Variants in RBFOX1 observed in about 807,000 individuals in gnomAD.
RBFOX1 encodes RNA binding fox-1 homolog 1.
RBFOX1 carries 8 observed loss-of-function variants against 57.7 expected under a neutral mutation model. The observed-to-expected ratio is 0.14, with a 90% confidence interval of 0.08 to 0.25. The LOEUF (loss-of-function observed/expected upper bound fraction) is 0.25, where lower values mean the gene tolerates loss of function less well. RBFOX1 is among the 10% of genes least tolerant of loss of function. RBFOX1 has a pLI of 1.00. For missense variants in RBFOX1, 611 were observed against 548.5 expected, an observed-to-expected ratio of 1.11 and a Z score of -1.14; for synonymous variants, 326 against 222.4, an observed-to-expected ratio of 1.47 and a Z score of -4.15.
intron 2 of RBFOX1, among the ~76,000 whole-genome samples, chr16:6,418,108 A>C (rs28655748): frequency 0.62 from 94,454 of 152,004 alleles, 29,936 homozygotes; most frequent in African/African-American, 0.76. Flanking sequence ...AATGGTAAGT[A>C]ACATTTGCTA....
chr16:7,709,390 A>G (rs2083523001), intron 15 of RBFOX1: 9 of 1,233,792 alleles, frequency 7.3e-6, no homozygotes, highest in Non-Finnish European at 9.7e-6. Context: ...TTAATGGAAT[A>G]ATTAGTCATT....
intron 4 of RBFOX1, among the ~76,000 whole-genome samples, chr16:7,437,072 C>G (rs1436308394): frequency 2.0e-5 from 3 of 152,088 alleles, no homozygotes; most frequent in East Asian, 3.9e-4. Context: ...CAGAGCGAGA[C>G]TCTGTCTCAA....
chr16:7,467,499 A>C (rs2060746077), intron 4 of RBFOX1, among the ~76,000 whole-genome samples: 2 of 152,178 alleles, frequency 1.3e-5, no homozygotes, highest in African/African-American at 4.8e-5. Flanking sequence ...AATGTTAGAG[A>C]GGGCAGTATA....
chr16:5,593,032 C>A (rs1418788213), intron 2 of RBFOX1, among the ~76,000 whole-genome samples: 1 of 151,990 alleles, frequency 6.6e-6, no homozygotes, highest in African/African-American at 2.4e-5. Flanking sequence ...GAAGTCAGCA[C>A]CAAATACAGG....
intron 3 of RBFOX1, among the ~76,000 whole-genome samples, chr16:6,799,109 T>A (rs191339066): frequency 6.6e-6 from 1 of 152,182 alleles, no homozygotes; most frequent in Non-Finnish European, 1.5e-5. Context: ...GACTAGCTGA[T>A]GCAGGTGAAT....
At chr16:7,217,847 T>C (rs1336600929) in intron 4 of RBFOX1, among the ~76,000 whole-genome samples, 1 of 152,186 alleles carries the variant, frequency 6.6e-6, no homozygotes, top group Non-Finnish European at 1.5e-5. Flanking sequence ...ACTCACTGCA[T>C]GTGTGTGGGC....
chr16:5,702,763 T>C (rs963554350), intron 3 of RBFOX1, among the ~76,000 whole-genome samples: 2 of 152,164 alleles, frequency 1.3e-5, no homozygotes, highest in Non-Finnish European at 1.5e-5. Flanking sequence ...TGCATGAACA[T>C]GCTGCTTGGG....
At chr16:5,793,348 G>A (rs1169771147) in intron 3 of RBFOX1, among the ~76,000 whole-genome samples, 1 of 152,216 alleles carries the variant, frequency 6.6e-6, no homozygotes, top group African/African-American at 2.4e-5. Context: ...TTGTCAACAT[G>A]CCATTGAAAA....
intron 3 of RBFOX1, among the ~76,000 whole-genome samples, chr16:6,754,197 A>C (rs1182880637): frequency 6.6e-6 from 1 of 152,196 alleles, no homozygotes; most frequent in Non-Finnish European, 1.5e-5. Context: ...AGGCAGCTAC[A>C]GCTAGGAAAG....
chr16:7,098,760 G>A (rs896136720), intron 4 of RBFOX1, among the ~76,000 whole-genome samples: 1 of 151,658 alleles, frequency 6.6e-6, no homozygotes, highest in Non-Finnish European at 1.5e-5. Context: ...GACCAGCCTG[G>A]GCAACATAGT....
At chr16:7,046,603 C>CT (rs59921108) in intron 3 of RBFOX1, among the ~76,000 whole-genome samples, 542 of 84,938 alleles carry the variant, frequency 6.4e-3, no homozygotes, top group Middle Eastern at 0.018. Flanking sequence ...TGTGTTTTAT[C>CT]TTTTTTTTTT....
intron 1 of RBFOX1, among the ~76,000 whole-genome samples, chr16:6,151,250 T>G (rs1284471124): frequency 6.6e-6 from 1 of 152,178 alleles, no homozygotes; most frequent in Non-Finnish European, 1.5e-5. Context: ...CACCATTTGT[T>G]TTCAGGAATT....
intron 2 of RBFOX1, among the ~76,000 whole-genome samples, chr16:6,414,399 G>C (rs2152976913): frequency 6.6e-6 from 1 of 152,274 alleles, no homozygotes; most frequent in Middle Eastern, 3.4e-3. Context: ...CTACTGTGTT[G>C]TCTACTCTGC....
chr16:7,304,431 C>A, intron 4 of RBFOX1: 1 of 985,366 alleles, frequency 1.0e-6, no homozygotes. Flanking sequence ...CGCTCCCCAA[C>A]GTGGGCATGT....
chr16:5,865,401 G>T (rs972879384), intron 3 of RBFOX1, among the ~76,000 whole-genome samples: 1 of 152,178 alleles, frequency 6.6e-6, no homozygotes, highest in African/African-American at 2.4e-5. Flanking sequence ...CACACCATGA[G>T]TTTCCCCATG....
At chr16:7,416,348 C>A (rs546739365) in intron 4 of RBFOX1, among the ~76,000 whole-genome samples, 2 of 152,350 alleles carry the variant, frequency 1.3e-5, no homozygotes, top group South Asian at 2.1e-4. Flanking sequence ...CCATGCCCAA[C>A]TAATTTGATC....
At chr16:6,951,836 C>A (rs563481620) in intron 3 of RBFOX1, among the ~76,000 whole-genome samples, 2 of 152,092 alleles carry the variant, frequency 1.3e-5, no homozygotes, top group African/African-American at 2.4e-5. Context: ...TGGGTTCAAG[C>A]GATTCTCCTG....
chr16:5,292,216 C>T (rs896968754), intron 1 of RBFOX1, among the ~76,000 whole-genome samples: 5 of 152,158 alleles, frequency 3.3e-5, no homozygotes, highest in Non-Finnish European at 7.3e-5. Context: ...GGTCTCAACC[C>T]ATTTCTGGCC....
chr16:7,166,579 A>G (rs1042491345), intron 4 of RBFOX1, among the ~76,000 whole-genome samples: 2 of 152,190 alleles, frequency 1.3e-5, no homozygotes, highest in African/African-American at 2.4e-5. Flanking sequence ...CAGCCTCGTC[A>G]TCGGTTATGG....
Sources: allele counts gnomAD v4.1 joint callset (sites outside exome capture counted in the v4.1 genomes callset), GRCh38; gene constraint gnomAD v4.1.1; transcripts MANE v1.5; gene names NCBI Gene and HGNC (gene_info 2026-07-23, HGNC 2026-07-21).